The following DPYD variants were observed in gnomAD, a reference collection of about 807,000 sequenced individuals.
The protein encoded by DPYD is dihydropyrimidine dehydrogenase.
In DPYD, 109 loss-of-function variants were observed where a neutral mutation model predicts 116.2. That is an observed-to-expected ratio of 0.94 (90% CI 0.80 to 1.10). The LOEUF (loss-of-function observed/expected upper bound fraction) is 1.10. Among genes scored for constraint, DPYD ranks in the 50% least tolerant of loss-of-function variants. The probability of loss-of-function intolerance (pLI) is 0.00; values close to 1 mark genes in which losing one functional copy is unlikely to be tolerated. For synonymous variants in DPYD, 440 were observed against 432.0 expected, an observed-to-expected ratio of 1.02 and a Z score of -0.23; for missense variants, 1,302 against 1,254.5, an observed-to-expected ratio of 1.04 and a Z score of -0.57.
intron 20 of DPYD, among the ~76,000 whole-genome samples, chr1:97,148,988 T>C (rs746034995): frequency 3.3e-5 from 5 of 152,154 alleles, no homozygotes; most frequent in Admixed American, 6.5e-5. Context: ...ATTAATGAAA[T>C]GGAAAGGTAA....
chr1:97,524,411 A>G lies in DPYD; in HGVS notation c.1525-8470T>C, dbSNP rs530164615. Among the ~76,000 whole-genome samples, 11 of 152,286 alleles carry G rather than the reference A, an allele frequency of 7.2e-5. No individual in the cohort carries two copies. The East Asian group carries it at 1.9e-3, about 27-fold the overall frequency. On this transcript the variant is annotated intron_variant, in intron 12 of 22. Coordinates refer to ENST00000370192, the MANE Select transcript of DPYD (RefSeq NM_000110.4). ...AGGATATTTTCCAAGCCCTAATTCCATGACTTTGTGATTATTATCGCCATA... is the reference window on the plus strand; with the variant it reads ...AGGATATTTTCCAAGCCCTAATTCCGTGACTTTGTGATTATTATCGCCATA...
chr1:97,701,198 T>A (rs1047825744), intron 5 of DPYD, among the ~76,000 whole-genome samples: 3 of 147,110 alleles, frequency 2.0e-5, no homozygotes, highest in Admixed American at 6.9e-5. Context: ...ATATATATAT[T>A]ATATATATAT....
At chr1:97,265,619 G>A (rs897110620) in intron 18 of DPYD, 20 of 152,068 alleles carry the variant, frequency 1.3e-4, no homozygotes, top group Middle Eastern at 3.2e-3. Flanking sequence ...GTTTGAATGT[G>A]GTAGAATTTG....
chr1:97,463,193 A>G (rs1057441440), intron 13 of DPYD, among the ~76,000 whole-genome samples: 1 of 152,122 alleles, frequency 6.6e-6, no homozygotes, highest in East Asian at 1.9e-4. Flanking sequence ...GAATTCTCGA[A>G]TGTTGAGGGA....
At chr1:97,732,212 G>A (rs1039148547) in intron 4 of DPYD, among the ~76,000 whole-genome samples, 3 of 151,868 alleles carry the variant, frequency 2.0e-5, no homozygotes, top group Non-Finnish European at 2.9e-5. Context: ...AAAATGAGCC[G>A]GGAGCTGTAA....
chr1:97,643,916 C>A (rs907813760), intron 8 of DPYD, among the ~76,000 whole-genome samples: 1 of 151,786 alleles, frequency 6.6e-6, no homozygotes, highest in Non-Finnish European at 1.5e-5. Flanking sequence ...GGGAACATCA[C>A]ACACCAGGGC....
At chr1:97,091,725 A>C (rs1376015696) in intron 21 of DPYD, among the ~76,000 whole-genome samples, 1 of 152,260 alleles carries the variant, frequency 6.6e-6, no homozygotes, top group South Asian at 2.1e-4. Context: ...TTTTCATTTA[A>C]AACAATGGAG....
chr1:97,368,529 T>C lies in DPYD; in HGVS notation c.2058+5032A>G, dbSNP rs146058141. On this transcript the variant is annotated intron_variant, in intron 16 of 22. Coordinates refer to ENST00000370192, the MANE Select transcript of DPYD (RefSeq NM_000110.4). ...GCATGCTGCATCTTGCTCTTCTTTA[T>C]TGCCATATGGAAGGCAAGGCCTCTT... is the stretch of plus-strand genomic sequence containing the variant. Among the ~76,000 whole-genome samples the C allele has an allele frequency of 6.5e-3, 990 of 152,272 alleles. 13 individuals are homozygous for C. Among genetic ancestry groups the C allele is most frequent in the African/African-American group, 0.022 (932 of 41,548 alleles).
chr1:97,639,902 C>T (rs1219351443), intron 8 of DPYD, among the ~76,000 whole-genome samples: 1 of 152,152 alleles, frequency 6.6e-6, no homozygotes. Flanking sequence ...TTCAAGACAA[C>T]ATGGTTTCTG....
chr1:97,421,879 C>T (rs532772649), intron 14 of DPYD, among the ~76,000 whole-genome samples: 56 of 152,232 alleles, frequency 3.7e-4, no homozygotes, highest in African/African-American at 1.3e-3. Flanking sequence ...GATTTTCTGG[C>T]AGAGGTGAGT....
intron 16 of DPYD, among the ~76,000 whole-genome samples, chr1:97,314,529 G>A (rs368558339): frequency 1.7e-5 from 2 of 118,118 alleles, no homozygotes; most frequent in African/African-American, 6.6e-5. Flanking sequence ...GACAAGAATT[G>A]CCATACACTA....
chr1:97,283,041 T>A (rs1665426723), intron 18 of DPYD, among the ~76,000 whole-genome samples: 1 of 152,188 alleles, frequency 6.6e-6, no homozygotes. Context: ...CATGTGTCTT[T>A]ATGGTGAAAT....
intron 8 of DPYD, among the ~76,000 whole-genome samples, chr1:97,618,498 C>A (rs1371000153): frequency 6.6e-6 from 1 of 151,610 alleles, no homozygotes; most frequent in East Asian, 1.9e-4. Context: ...GCCTCAGCCT[C>A]TTGAGCAACT....
intron 1 of DPYD, among the ~76,000 whole-genome samples, chr1:97,912,448 T>C (rs1014554727): frequency 6.6e-6 from 1 of 152,132 alleles, no homozygotes; most frequent in East Asian, 1.9e-4. Context: ...GAAATGCTTT[T>C]GATAGGACAA....
chr1:97,377,773 C>T (rs1671718831), intron 15 of DPYD, among the ~76,000 whole-genome samples: 1 of 152,164 alleles, frequency 6.6e-6, no homozygotes, highest in African/African-American at 2.4e-5. Context: ...CAGGGCAAGA[C>T]AGGTGAGCAC....
rs746777181 is a variant in DPYD, at chr1:97,593,306, C to T, written c.1040G>A (p.Cys347Tyr). The T allele has an allele frequency of 6.2e-7, 1 of 1,614,102 alleles. No individual in the cohort carries two copies. Among genetic ancestry groups the T allele is most frequent in the Non-Finnish European group, 8.5e-7 (1 of 1,180,014 alleles). ...VLGAGDTAFD[C>Y]ATSALRCGAR... is the part of the protein sequence containing the mutation. ...TCCACAACGTAGAGCAGATGTTGCA[C>T]AGTCAAAGGCAGTGTCTCCAGCTCC... The change falls in exon 10 of 23, where the codon TGT (cysteine) becomes TAT (tyrosine). Residue 347 changes from cysteine (C) to tyrosine (Y), a missense_variant. Physicochemically the swap from Cys to Tyr is radical, Grantham distance 194 (BLOSUM62 -2). Coordinates refer to ENST00000370192, the MANE Select transcript of DPYD (RefSeq NM_000110.4).
At chr1:97,319,190 A>T (rs947293112) in intron 16 of DPYD, among the ~76,000 whole-genome samples, 1 of 146,566 alleles carries the variant, frequency 6.8e-6, no homozygotes, top group African/African-American at 2.6e-5. Flanking sequence ...GCAAGAGCAA[A>T]CACATTCAAA....
intron 13 of DPYD, among the ~76,000 whole-genome samples, chr1:97,508,164 T>C (rs1647491162): frequency 6.6e-6 from 1 of 151,970 alleles, no homozygotes; most frequent in Admixed American, 6.6e-5. Context: ...GGCAATTTCA[T>C]ATGGTGATAA....
chr1:97,365,855 A>C (rs984657733), intron 16 of DPYD, among the ~76,000 whole-genome samples: 2 of 152,084 alleles, frequency 1.3e-5, no homozygotes, highest in African/African-American at 4.8e-5. Flanking sequence ...GCTGGTCTCA[A>C]ACTCCTTAGC....
Sources: allele counts gnomAD v4.1 joint callset (sites outside exome capture counted in the v4.1 genomes callset), GRCh38; gene constraint gnomAD v4.1.1; transcripts MANE v1.5; gene names NCBI Gene and HGNC (gene_info 2026-07-23, HGNC 2026-07-21).